TRABD2A: variants seen among roughly 807,000 people sequenced by gnomAD.
The protein encoded by TRABD2A is metalloprotease TIKI1.
TRABD2A carries 43 observed loss-of-function variants against 45.6 expected under a neutral mutation model. The ratio of observed to expected loss-of-function variants is 0.94; its 90% CI spans 0.74 to 1.22. The LOEUF is 1.22. Ranked by LOEUF, TRABD2A falls within the 50% of genes most tolerant of loss-of-function variation. The probability of loss-of-function intolerance (pLI) is 0.00; values close to 1 mark genes in which losing one functional copy is unlikely to be tolerated. For synonymous variants in TRABD2A, 269 were observed against 265.0 expected (o/e 1.02, Z -0.15); for missense variants, 642 against 652.4 (o/e 0.98, Z 0.17).
At chr2:84,827,755 A>G (rs1024608351) in intron 5 of TRABD2A, among the ~76,000 whole-genome samples, 39 of 152,150 alleles carry the variant, frequency 2.6e-4, no homozygotes, top group Non-Finnish European at 5.0e-4. Flanking sequence ...AAAGCAGAGA[A>G]CCCGTCTGTG....
intron 2 of TRABD2A, among the ~76,000 whole-genome samples, chr2:84,860,418 G>T (rs1682459040): frequency 6.6e-6 from 1 of 152,202 alleles, no homozygotes; most frequent in Non-Finnish European, 1.5e-5. Context: ...GAAGACAGAA[G>T]GAGAAGACAG....
intron 5 of TRABD2A, 124 bp downstream of exon 5, chr2:84,831,931 G>C: frequency 1.1e-6 from 1 of 912,756 alleles, no homozygotes; most frequent in Non-Finnish European, 1.8e-6. Context: ...GTAAGGTCAA[G>C]TGTGGGGGAA....
intron 2 of TRABD2A, among the ~76,000 whole-genome samples, chr2:84,861,140 C>G (rs748293218): frequency 1.3e-5 from 2 of 152,154 alleles, no homozygotes; most frequent in Non-Finnish European, 2.9e-5. Flanking sequence ...AGGGCTTTAC[C>G]TTTGGCACCA....
intron 5 of TRABD2A, among the ~76,000 whole-genome samples, chr2:84,826,170 T>G (rs749585353): frequency 6.6e-6 from 1 of 152,198 alleles, no homozygotes; most frequent in African/African-American, 2.4e-5. Context: ...TTGCTTTGAT[T>G]TAGTGAGGAA....
At chr2:84,863,834 A>G (rs1426656321) in intron 2 of TRABD2A, among the ~76,000 whole-genome samples, 1 of 152,026 alleles carries the variant, frequency 6.6e-6, no homozygotes. Flanking sequence ...GATGGTCTCG[A>G]TCTCCTGACG....
chr2:84,866,278 T>C (rs569401337), intron 2 of TRABD2A, among the ~76,000 whole-genome samples: 1 of 152,364 alleles, frequency 6.6e-6, no homozygotes, highest in Non-Finnish European at 1.5e-5. Context: ...ACTGCTGCTA[T>C]GTGGGAGCAT....
chr2:84,830,657 TA>T lies in TRABD2A; in HGVS notation c.1082+1397del, dbSNP rs1681301162. Among the ~76,000 whole-genome samples the T allele has an allele frequency of 6.6e-6, 1 of 152,110 alleles. No individual in the cohort carries two copies. The highest frequency in any genetic ancestry group is 1.5e-5 in the Non-Finnish European group (1 of 68,002). On this transcript the variant is annotated intron_variant, in intron 5 of 6. Coordinates refer to ENST00000409520, the MANE Select transcript of TRABD2A (RefSeq NM_001277053.2). The surrounding 1 kb of genome is among the most constrained non-coding windows in gnomAD (Gnocchi z 4.9). ...GAGCAGTCTCACATCAGCGCTTCTGTAAACTAGAAAGTGCTCTGTGAAGGGC... is the reference window on the plus strand; with the variant it reads ...GAGCAGTCTCACATCAGCGCTTCTGTAACTAGAAAGTGCTCTGTGAAGGGC...
intron 2 of TRABD2A, among the ~76,000 whole-genome samples, chr2:84,862,480 C>T (rs966454122): frequency 3.3e-5 from 5 of 152,128 alleles, no homozygotes; most frequent in Admixed American, 3.3e-4. Context: ...GGCTGCACTT[C>T]CCTTGAAGGG....
intron 2 of TRABD2A, among the ~76,000 whole-genome samples, chr2:84,863,603 T>A (rs921799262): frequency 2.3e-5 from 2 of 86,480 alleles, no homozygotes; most frequent in African/African-American, 6.7e-5. Flanking sequence ...TTTTCTTTTT[T>A]TTTTTTTTTT....
At position 84,821,967 on chromosome 2, in the gene TRABD2A, C is replaced by T. The variant is rs746036602; in HGVS notation, c.1468G>A (p.Val490Met). 6.2e-7 allele frequency: 1 copy of T among 1,605,732 alleles called. No homozygotes were observed. ...AAAGCCAGCACCAGCACCCAGAACA[C>T]AGGAGTCCAGAGAGACAGGCAGGCA... is the stretch of plus-strand genomic sequence containing the variant. The part of the protein sequence containing the change: ...SSACLSLWTP[V>M]FWVLVLAFQT... Residue 490 changes from valine to methionine, a missense_variant, in exon 7 of 7, where the codon GTG becomes ATG. Transcript: ENST00000409520.
intron 2 of TRABD2A, among the ~76,000 whole-genome samples, chr2:84,855,638 C>T (rs1573939722): frequency 6.6e-6 from 1 of 152,102 alleles, no homozygotes; most frequent in Admixed American, 6.5e-5. Flanking sequence ...GCCCCCTAGC[C>T]CCCACGTCCC....
chr2:84,829,399 CCA>C (rs1394558800), intron 5 of TRABD2A, among the ~76,000 whole-genome samples: 4 of 141,150 alleles, frequency 2.8e-5, no homozygotes, highest in African/African-American at 1.1e-4. Context: ...CACACACACA[CCA>C]CACACACCAC....
rs942848725 is a variant in TRABD2A at position 84,838,433 on chromosome 2, G to A, written c.991+716C>T. On this transcript the variant is annotated intron_variant, in intron 4 of 6. Coordinates refer to ENST00000409520, the MANE Select transcript of TRABD2A (RefSeq NM_001277053.2). The stretch of plus-strand genomic sequence containing the variant: ...TCTTATTGCTGCTATGGAAGAACAG[G>A]TTTTTGGAGGCCCTCACTCCACCAT... 3.3e-5 allele frequency among the ~76,000 whole-genome samples: 5 copies of A among 152,284 alleles called. No homozygotes were observed. The East Asian group carries it at 9.6e-4, about 29-fold the overall frequency.
intron 2 of TRABD2A, among the ~76,000 whole-genome samples, chr2:84,860,944 G>A (rs375874670): frequency 6.6e-6 from 1 of 152,350 alleles, no homozygotes; most frequent in Middle Eastern, 3.4e-3. Context: ...GTGAAGGGTT[G>A]ACAGGATCTT....
intron 2 of TRABD2A, among the ~76,000 whole-genome samples, chr2:84,864,084 C>G (rs911696763): frequency 6.6e-6 from 1 of 151,916 alleles, no homozygotes; most frequent in South Asian, 2.1e-4. Flanking sequence ...CAGCCAATTA[C>G]TCCTCTAAGT....
chr2:84,831,544 AAGAG>A (rs1389961444), intron 5 of TRABD2A, among the ~76,000 whole-genome samples: 1 of 151,668 alleles, frequency 6.6e-6, no homozygotes, highest in East Asian at 1.9e-4. Flanking sequence ...AAAAAAAAAA[AAGAG>A]AGAGAAATAA....
chr2:84,877,764 G>A (rs1045050808), intron 1 of TRABD2A, among the ~76,000 whole-genome samples: 4 of 152,136 alleles, frequency 2.6e-5, no homozygotes, highest in Admixed American at 6.6e-5. Context: ...AGCTAACTCC[G>A]TAACACCCAG....
In TRABD2A at chr2:84,832,129, G is replaced by T. The variant is rs1302108804; in HGVS notation, c.1008C>A (p.Asn336Lys). ...FAFGAGHFMGNNTVLDVLRRE... is the reference protein window; with the variant it reads ...FAFGAGHFMGKNTVLDVLRRE... ...GCCGCAAAACATCCAGCACTGTGTT[G>T]TTGCCCATGAAATGACCTGCAGTGA... Residue 336 changes from asparagine (N) to lysine (K), a missense_variant, in exon 5 of 7, where the codon AAC (asparagine) becomes AAA (lysine). Transcript: ENST00000409520. 6.2e-7 allele frequency: 1 copy of T among 1,614,004 alleles called. No individual in the cohort carries two copies. The highest frequency in any genetic ancestry group is 8.5e-7 in the Non-Finnish European group (1 of 1,179,894).
chr2:84,868,342 A>T (rs1682751034), intron 2 of TRABD2A, among the ~76,000 whole-genome samples: 1 of 151,884 alleles, frequency 6.6e-6, no homozygotes, highest in Non-Finnish European at 1.5e-5. Flanking sequence ...AAGGACAAAA[A>T]ACCAAACACC....
Sources: gnomAD v4.1 joint callset for allele counts (sites outside exome capture counted in the v4.1 genomes callset) on GRCh38, gnomAD v4.1.1 for gene constraint, Gnocchi (gnomAD v3.1) non-coding constraint, MANE v1.5 for transcripts, NCBI Gene and HGNC (gene_info 2026-07-23, HGNC 2026-07-21) for gene names.